The following PACRG variants were observed in gnomAD, a reference collection of about 807,000 sequenced individuals.
PACRG encodes parkin coregulated, also known as parkin coregulated gene protein.
Under a neutral mutation model 29.7 loss-of-function variants are expected in PACRG, and 29 were observed. The ratio of observed to expected loss-of-function variants is 0.98; its 90% confidence interval spans 0.73 to 1.33. PACRG has a LOEUF of 1.33. Among genes scored for constraint, PACRG ranks in the 40% most tolerant of loss-of-function variants. The pLI is 0.00. For missense variants in PACRG, 279 were observed against 316.2 expected (o/e 0.88, Z 0.89); for synonymous variants, 116 against 118.7 (o/e 0.98, Z 0.15).
At chr6:162,887,183 C>T (rs1794408147) in intron 2 of PACRG, among the ~76,000 whole-genome samples, 2 of 152,216 alleles carry the variant, frequency 1.3e-5, no homozygotes, top group South Asian at 4.1e-4. Context: ...GAACTCCCTA[C>T]CTCAGGTGAT....
At chr6:163,287,886 A>T (rs1217283425) in intron 4 of PACRG, among the ~76,000 whole-genome samples, 1 of 152,128 alleles carries the variant, frequency 6.6e-6, no homozygotes, top group Non-Finnish European at 1.5e-5. Context: ...GATTTTCAGG[A>T]TCTCACATTC....
At chr6:162,782,995 A>G (rs1784205927) in intron 1 of PACRG, among the ~76,000 whole-genome samples, 1 of 151,886 alleles carries the variant, frequency 6.6e-6, no homozygotes, top group Non-Finnish European at 1.5e-5. Context: ...CAGCAGAAAA[A>G]GTTCTTCTAA....
At chr6:162,756,207 C>A (rs1179516037) in intron 1 of PACRG, among the ~76,000 whole-genome samples, 1 of 152,100 alleles carries the variant, frequency 6.6e-6, no homozygotes. Flanking sequence ...TATTGATATT[C>A]TGTTTAGATA....
intron 2 of PACRG, among the ~76,000 whole-genome samples, chr6:162,931,757 T>C (rs1290438810): frequency 1.3e-5 from 2 of 151,944 alleles, no homozygotes; most frequent in African/African-American, 4.8e-5. Context: ...ACTTATTATG[T>C]CATGTGTTGG....
At chr6:163,094,979 T>A (rs1250442476) in intron 4 of PACRG, among the ~76,000 whole-genome samples, 1 of 152,150 alleles carries the variant, frequency 6.6e-6, no homozygotes, top group African/African-American at 2.4e-5. Flanking sequence ...GCATTCTCTA[T>A]AAGCAGAGCT....
At chr6:163,221,531 A>G (rs1445768944) in intron 4 of PACRG, among the ~76,000 whole-genome samples, 1 of 152,272 alleles carries the variant, frequency 6.6e-6, no homozygotes, top group Non-Finnish European at 1.5e-5. Flanking sequence ...TGCAAAGCAC[A>G]TCTTACGTTG....
At chr6:163,160,674 A>C (rs553658166) in intron 4 of PACRG, among the ~76,000 whole-genome samples, 1 of 152,332 alleles carries the variant, frequency 6.6e-6, no homozygotes, top group South Asian at 2.1e-4. Context: ...TTAGTAATTA[A>C]GTTAAACAGC....
intron 4 of PACRG, among the ~76,000 whole-genome samples, chr6:163,149,123 TCCTGCCCCGGC>T (rs2128337592): frequency 6.6e-6 from 1 of 152,130 alleles, no homozygotes; most frequent in Non-Finnish European, 1.5e-5. Context: ...TCCTTGAAGC[TCCTGCCCCGGC>T]CCTGCCACCT....
intron 4 of PACRG, among the ~76,000 whole-genome samples, chr6:163,226,422 C>T (rs535588209): frequency 2.6e-5 from 4 of 152,342 alleles, no homozygotes; most frequent in African/African-American, 9.6e-5. Context: ...AATCATCCCA[C>T]AGGGTATGGC....
At chr6:162,841,975 C>T (rs575215227) in intron 2 of PACRG, among the ~76,000 whole-genome samples, 11,032 of 146,474 alleles carry the variant, frequency 0.075, 390 homozygotes, top group Admixed American at 0.17. Context: ...TTGTTATAAT[C>T]TCTGTTCTTT....
chr6:163,017,523 A>G (rs1038104792), intron 2 of PACRG, among the ~76,000 whole-genome samples: 55 of 152,134 alleles, frequency 3.6e-4, no homozygotes, highest in Non-Finnish European at 1.2e-4. Context: ...GAGAGAGAGA[A>G]ACTATTAATA....
At chr6:162,766,343 A>G (rs1394815262) in intron 1 of PACRG, among the ~76,000 whole-genome samples, 1 of 152,074 alleles carries the variant, frequency 6.6e-6, no homozygotes, top group Non-Finnish European at 1.5e-5. Context: ...ATTTCGCTTG[A>G]TGTTTTCTAG....
chr6:162,763,639 C>T (rs937718527), intron 1 of PACRG, among the ~76,000 whole-genome samples: 3 of 152,024 alleles, frequency 2.0e-5, no homozygotes, highest in African/African-American at 7.2e-5. Flanking sequence ...TATTAACTAT[C>T]GACTGTCTTT....
intron 2 of PACRG, among the ~76,000 whole-genome samples, chr6:163,034,508 T>C (rs1807976759): frequency 6.6e-6 from 1 of 152,138 alleles, no homozygotes; most frequent in Non-Finnish European, 1.5e-5. Flanking sequence ...CCGTGCCTTT[T>C]ATGAAGAGGG....
intron 4 of PACRG, among the ~76,000 whole-genome samples, chr6:163,198,306 ATT>A (rs1351228930): frequency 1.3e-5 from 2 of 151,346 alleles, no homozygotes; most frequent in African/African-American, 4.9e-5. Flanking sequence ...GTTAAAAAAT[ATT>A]CAGAGTTTGA....
rs113311316 is a variant in PACRG, at chr6:163,018,437, C to T, written c.292-43713C>T. ...AATCCTCAAGAAGTTTTCATGAGAC[C>T]AGTATTCCCTCATTTGTTAAGTTGT... is the stretch of plus-strand genomic sequence containing the variant. On this transcript the variant is annotated intron_variant, in intron 2 of 4. Transcript: ENST00000366888. 6.7e-3 allele frequency among the ~76,000 whole-genome samples: 1,027 copies of T among 152,216 alleles called. 14 individuals carry two copies. Among genetic ancestry groups the T allele is most frequent in the African/African-American group, 0.023 (967 of 41,552 alleles).
intron 4 of PACRG, among the ~76,000 whole-genome samples, chr6:163,104,608 C>T (rs931173950): frequency 2.6e-5 from 4 of 152,138 alleles, no homozygotes; most frequent in Non-Finnish European, 5.9e-5. Context: ...AAAATAGTAA[C>T]TCGCATGTGA....
At chr6:162,948,454 G>A (rs1368470110) in intron 2 of PACRG, among the ~76,000 whole-genome samples, 1 of 151,976 alleles carries the variant, frequency 6.6e-6, no homozygotes, top group African/African-American at 2.4e-5. Context: ...AACAGAAGGG[G>A]CAATGCTTCA....
In PACRG at chr6:163,144,428, G is replaced by A. The variant is rs367857856; in HGVS notation, c.613+55020G>A. Among the ~76,000 whole-genome samples, 199 of 151,976 alleles carry A rather than the reference G, an allele frequency of 1.3e-3. 2 individuals carry two copies. The highest frequency in any genetic ancestry group is 6.2e-4 in the South Asian group (3 of 4,820). ...ATGTAATGTATATTACAGTACTAAC[G>A]TTTGCATAATGAAAACACACGAATA... On this transcript the variant is annotated intron_variant, in intron 4 of 4. Transcript: ENST00000366888.
Sources: gnomAD v4.1 joint callset for allele counts (sites outside exome capture counted in the v4.1 genomes callset) on GRCh38, gnomAD v4.1.1 for gene constraint, MANE v1.5 for transcripts, NCBI Gene and HGNC (gene_info 2026-07-23, HGNC 2026-07-21) for gene names.